The following DAB1 variants were observed in gnomAD, a reference collection of about 807,000 sequenced individuals.
The protein encoded by DAB1 is DAB adaptor protein 1.
In DAB1, 15 loss-of-function variants were observed where a neutral mutation model predicts 64.6. The observed-to-expected ratio is 0.23, with a 90% confidence interval of 0.16 to 0.36. The LOEUF is 0.36. DAB1 is among the 10% of genes least tolerant of loss of function. The pLI is 1.00. For missense variants in DAB1, 596 were observed against 706.7 expected, an observed-to-expected ratio of 0.84 and a Z score of 1.78; for synonymous variants, 235 against 251.9, an observed-to-expected ratio of 0.93 and a Z score of 0.64.
At chr1:58,000,342 T>G (rs1323347586) in intron 5 of DAB1, among the ~76,000 whole-genome samples, 2 of 152,174 alleles carry the variant, frequency 1.3e-5, no homozygotes, top group Non-Finnish European at 2.9e-5. Context: ...TATGGACAAT[T>G]ACCAGACTGT....
chr1:57,200,766 G>A (rs1176539405), intron 2 of DAB1, among the ~76,000 whole-genome samples: 1 of 152,122 alleles, frequency 6.6e-6, no homozygotes, highest in Non-Finnish European at 1.5e-5. Context: ...TCAATAAATT[G>A]GCAAGTTTAT....
At chr1:58,274,128 C>T (rs929330095) in intron 4 of DAB1, among the ~76,000 whole-genome samples, 1 of 142,176 alleles carries the variant, frequency 7.0e-6, no homozygotes, top group Non-Finnish European at 1.5e-5. Flanking sequence ...GTTTTTTCCC[C>T]ATCTTTGTGG....
chr1:57,297,878 C>T (rs953753381), intron 1 of DAB1, among the ~76,000 whole-genome samples: 2 of 152,104 alleles, frequency 1.3e-5, no homozygotes, highest in African/African-American at 4.8e-5. Context: ...CCACCTCCAC[C>T]CCTGTAACTC....
At chr1:58,111,831 T>C (rs1164695599) in intron 5 of DAB1, among the ~76,000 whole-genome samples, 1 of 152,184 alleles carries the variant, frequency 6.6e-6, no homozygotes, top group African/African-American at 2.4e-5. Flanking sequence ...CTTCTTGCTC[T>C]TACTATAATC....
chr1:57,038,350 T>G (rs1248639643), intron 9 of DAB1, among the ~76,000 whole-genome samples: 1 of 151,808 alleles, frequency 6.6e-6, no homozygotes, highest in East Asian at 1.9e-4. Flanking sequence ...ATTTGTGGAG[T>G]TTTTTAGAAG....
chr1:58,056,056 T>C (rs1468384119), intron 5 of DAB1: 2 of 886,896 alleles, frequency 2.3e-6, no homozygotes, highest in Non-Finnish European at 3.6e-6. Context: ...ATTCTTTTTT[T>C]TTTTTTTTTA....
At chr1:57,963,976 C>A (rs939762077) in intron 5 of DAB1, among the ~76,000 whole-genome samples, 4 of 152,246 alleles carry the variant, frequency 2.6e-5, no homozygotes, top group East Asian at 1.9e-4. Flanking sequence ...CATTGGACAC[C>A]ATTTGCCTTT....
At chr1:57,309,559 T>A (rs1674495254) in intron 1 of DAB1, among the ~76,000 whole-genome samples, 1 of 152,106 alleles carries the variant, frequency 6.6e-6, no homozygotes, top group South Asian at 2.1e-4. Context: ...CAAAACTCAA[T>A]GTTTTCTAGC....
chr1:57,736,614 T>C (rs1229435277), intron 6 of DAB1, among the ~76,000 whole-genome samples: 3 of 152,150 alleles, frequency 2.0e-5, no homozygotes, highest in Non-Finnish European at 4.4e-5. Context: ...GAACATGTGA[T>C]AGAGCTTTTA....
intron 3 of DAB1, among the ~76,000 whole-genome samples, chr1:58,372,170 G>T (rs914253732): frequency 1.4e-4 from 21 of 152,308 alleles, no homozygotes; most frequent in African/African-American, 4.6e-4. Flanking sequence ...GCAGCTGCAG[G>T]CACTGTACCC....
At position 58,446,474 on chromosome 1, in the gene DAB1, T is replaced by C. The variant is rs565847702; in HGVS notation, n.257+59586A>G. On this transcript the variant is annotated intron_variant and non_coding_transcript_variant, in intron 3 of 20. Transcript: ENST00000485760. ...AGAACACTGGGTTAGACAAAGCCAG[T>C]TGATTTATTTATAATGCAGGGACCT... Among the ~76,000 whole-genome samples, 13 of 152,228 alleles carry C rather than the reference T, an allele frequency of 8.5e-5. No homozygotes were observed. In the East Asian group the frequency reaches 1.4e-3, roughly 16 times the overall value.
intron 6 of DAB1, among the ~76,000 whole-genome samples, chr1:57,696,325 A>G (rs1365358907): frequency 1.3e-5 from 2 of 150,708 alleles, no homozygotes; most frequent in Non-Finnish European, 2.9e-5. Context: ...CTCTGAAACT[A>G]TGTCTGTGGG....
At chr1:57,949,172 C>T (rs965355658) in intron 5 of DAB1, among the ~76,000 whole-genome samples, 12 of 151,624 alleles carry the variant, frequency 7.9e-5, no homozygotes, top group Admixed American at 7.9e-4. Context: ...ATGGGGGGGG[C>T]TGGGGGGATG....
intron 5 of DAB1, among the ~76,000 whole-genome samples, chr1:58,004,696 G>A (rs779828780): frequency 2.6e-5 from 4 of 152,172 alleles, no homozygotes; most frequent in East Asian, 1.9e-4. Flanking sequence ...TGTTTAAATC[G>A]TGCCTGAAGT....
intron 5 of DAB1, among the ~76,000 whole-genome samples, chr1:58,130,907 C>A (rs1312825471): frequency 2.0e-3 from 305 of 151,270 alleles, no homozygotes; most frequent in African/African-American, 6.7e-3. Context: ...CCTTCATTTC[C>A]ACTTTGGTGA....
At chr1:57,688,758 T>C (rs1029253627) in intron 6 of DAB1, among the ~76,000 whole-genome samples, 2 of 152,162 alleles carry the variant, frequency 1.3e-5, no homozygotes, top group Non-Finnish European at 2.9e-5. Context: ...AATTATGTCC[T>C]TTGCAGCAAC....
intron 3 of DAB1, among the ~76,000 whole-genome samples, chr1:58,461,187 C>A (rs1409507591): frequency 6.6e-6 from 1 of 152,074 alleles, no homozygotes; most frequent in Non-Finnish European, 1.5e-5. Context: ...TAAAAACCTC[C>A]ATCTTAAAAA....
chr1:58,262,434 A>C (rs776638040), intron 4 of DAB1, among the ~76,000 whole-genome samples: 2 of 152,228 alleles, frequency 1.3e-5, no homozygotes, highest in Non-Finnish European at 2.9e-5. Context: ...AAAATACAAA[A>C]ATTAGCTGAA....
At chr1:58,192,149 T>C (rs778385707) in intron 4 of DAB1, among the ~76,000 whole-genome samples, 1 of 152,198 alleles carries the variant, frequency 6.6e-6, no homozygotes, top group Non-Finnish European at 1.5e-5. Context: ...AAATACTGCA[T>C]GATTCCAGTT....
Sources: allele counts gnomAD v4.1 joint callset (sites outside exome capture counted in the v4.1 genomes callset), GRCh38; gene constraint gnomAD v4.1.1; transcripts MANE v1.5; gene names NCBI Gene and HGNC (gene_info 2026-07-23, HGNC 2026-07-21).